Variants in TENM3 observed in about 807,000 individuals in gnomAD.
The protein encoded by TENM3 is teneurin transmembrane protein 3.
Under a neutral mutation model 255.1 loss-of-function variants are expected in TENM3, and 63 were observed. The ratio of observed to expected loss-of-function variants is 0.25; its 90% CI spans 0.20 to 0.30. The LOEUF is 0.30. Among genes scored for constraint, TENM3 ranks in the 10% least tolerant of loss-of-function variants. TENM3 has a pLI of 1.00. For synonymous variants in TENM3, 1,306 were observed against 1,322.3 expected (o/e 0.99, Z 0.27); for missense variants, 2,929 against 3,461.1 (o/e 0.85, Z 3.86).
At chr4:182,740,219 G>A (rs1200080231) in intron 18 of TENM3, among the ~76,000 whole-genome samples, 1 of 152,196 alleles carries the variant, frequency 6.6e-6, no homozygotes, top group Non-Finnish European at 1.5e-5. Context: ...ATGCAGTTCA[G>A]TTTGCACCCC....
intron 1 of TENM3, among the ~76,000 whole-genome samples, chr4:182,158,979 C>A (rs560109659): frequency 1.3e-5 from 2 of 152,208 alleles, no homozygotes; most frequent in South Asian, 4.1e-4. Context: ...TTGTGGTGAC[C>A]AAGTTGGGCT....
At chr4:182,639,441 C>T (rs552722927) in intron 5 of TENM3, among the ~76,000 whole-genome samples, 1 of 152,268 alleles carries the variant, frequency 6.6e-6, no homozygotes, top group African/African-American at 2.4e-5. Context: ...TCTTCTTCTT[C>T]TTTGTAACAA....
In TENM3 at chr4:182,738,209, T is replaced by C. The variant is rs2309767; in HGVS notation, c.3236-192T>C. Among the ~76,000 whole-genome samples the C allele has an allele frequency of 0.65, 99,374 of 151,982 alleles. 32,970 individuals are homozygous for C. Among genetic ancestry groups the C allele is most frequent in the East Asian group, 0.84 (4,328 of 5,166 alleles). ...TTTCTATTAAATCAGTGGAAAATAA[T>C]ATTTGGAGATCTTTTTTTAAAAAAA... On this transcript the variant is annotated intron_variant, in intron 17 of 27. Transcript: ENST00000511685.
chr4:181,605,560 A>AAG, the TENM3 span, among the ~76,000 whole-genome samples: 46 of 26,800 alleles, frequency 1.7e-3, 3 homozygotes, highest in African/African-American at 4.2e-3. Flanking sequence ...GAAAGAAAGA[A>AAG]AGAAAGAAAG....
Position 182,680,620 on chromosome 4 carries a change from A to G in TENM3, c.1717A>G (p.Thr573Ala). Residue 573 changes from threonine (T) to alanine (A), a missense_variant, in exon 10 of 28, where the codon ACC becomes GCC. Around this residue, in one of 6 missense-constraint regions of TENM3, gnomAD observed 1,608 missense variants for 1,884.4 expected, o/e 0.85. Coordinates refer to ENST00000511685, the MANE Select transcript of TENM3 (RefSeq NM_001080477.4). ...CCTGTGTTTCAGCGGCTGGAAGGGC[A>G]CCGAGTGTGATGTGCCGACTACCCA... ...RCLCFSGWKG[T>A]ECDVPTTQCI... The G allele has an allele frequency of 6.2e-7, 1 of 1,613,696 alleles. No homozygotes were observed. The highest frequency in any genetic ancestry group is 8.5e-7 in the Non-Finnish European group (1 of 1,179,794).
At chr4:182,625,235 C>T (rs1472647920) in intron 4 of TENM3, among the ~76,000 whole-genome samples, 1 of 152,136 alleles carries the variant, frequency 6.6e-6, no homozygotes, top group Non-Finnish European at 1.5e-5. Context: ...GGGTCCCCGA[C>T]CACTGGGCTG....
chr4:182,354,666 A>G (rs1451404002), intron 3 of TENM3, among the ~76,000 whole-genome samples: 5 of 152,222 alleles, frequency 3.3e-5, no homozygotes, highest in Non-Finnish European at 1.5e-5. Flanking sequence ...TAACTTCAGT[A>G]TATTGAAATT....
At chr4:181,776,018 T>G in the TENM3 span, among the ~76,000 whole-genome samples, 6 of 152,076 alleles carry the variant, frequency 3.9e-5, no homozygotes, top group South Asian at 1.2e-3. Context: ...TACATCTTAG[T>G]CCCTCTTTCT....
intron 3 of TENM3, among the ~76,000 whole-genome samples, chr4:182,554,900 G>A (rs1244282025): frequency 6.8e-6 from 1 of 146,996 alleles, no homozygotes; most frequent in African/African-American, 2.5e-5. Context: ...CCTTTCACAT[G>A]ATGTACGTTT....
Position 182,800,047 on chromosome 4 carries a change from A to C in TENM3, c.7796A>C (p.Gln2599Pro). 6.2e-7 allele frequency: 1 copy of C among 1,601,748 alleles called. No individual in the cohort carries two copies. Among genetic ancestry groups the C allele is most frequent in the Non-Finnish European group, 8.5e-7 (1 of 1,175,174 alleles). ...CGCAGGTTCGCGGACGTGGAGATGC[A>C]GTTCGGCGCGCTGGCGCTGCACGTG... ...RTRRFADVEMQFGALALHVRY... is the reference protein window; with the variant it reads ...RTRRFADVEMPFGALALHVRY... The change falls in exon 28 of 28, where the codon CAG becomes CCG. Residue 2599 changes from glutamine to proline, a missense_variant. Coordinates refer to ENST00000511685, the MANE Select transcript of TENM3 (RefSeq NM_001080477.4).
chr4:182,235,659 G>C (rs1356952090), intron 1 of TENM3, among the ~76,000 whole-genome samples: 1 of 149,972 alleles, frequency 6.7e-6, no homozygotes, highest in Non-Finnish European at 1.5e-5. Context: ...TACTACACAC[G>C]ACCACACGGG....
the TENM3 span, among the ~76,000 whole-genome samples, chr4:182,100,808 CACATATATATACACATAT>C: frequency 1.0e-3 from 4 of 3,872 alleles, 2 homozygotes; most frequent in Non-Finnish European, 2.9e-3. Flanking sequence ...CATATATATA[CACATATATATACACATAT>C]ATATATATAT....
intron 3 of TENM3, among the ~76,000 whole-genome samples, chr4:182,539,894 A>G (rs952828984): frequency 6.6e-6 from 1 of 152,236 alleles, no homozygotes; most frequent in African/African-American, 2.4e-5. Flanking sequence ...GAGATGTCAG[A>G]TAGACTGCTG....
chr4:182,487,466 G>T (rs970958423), intron 3 of TENM3, among the ~76,000 whole-genome samples: 2 of 152,186 alleles, frequency 1.3e-5, no homozygotes, highest in African/African-American at 2.4e-5. Flanking sequence ...ATGTGCATTT[G>T]GTTAGGGCGG....
chr4:182,129,419 A>C, the TENM3 span, among the ~76,000 whole-genome samples: 1 of 152,226 alleles, frequency 6.6e-6, no homozygotes, highest in East Asian at 1.9e-4. Flanking sequence ...TGCTTCCTGA[A>C]TGAAGAAGAA....
chr4:181,720,204 A>G, the TENM3 span, among the ~76,000 whole-genome samples: 9 of 152,248 alleles, frequency 5.9e-5, no homozygotes, highest in Non-Finnish European at 8.8e-5. Context: ...GAGAAAAAAT[A>G]CTAATAACAA....
intron 3 of TENM3, among the ~76,000 whole-genome samples, chr4:182,546,999 C>CTTCA (rs1741516281): frequency 6.6e-6 from 1 of 152,112 alleles, no homozygotes; most frequent in East Asian, 1.9e-4. Flanking sequence ...TTTTCTAAAT[C>CTTCA]TTCAATATGC....
intron 3 of TENM3, among the ~76,000 whole-genome samples, chr4:182,386,660 C>T (rs554373272): frequency 3.9e-4 from 59 of 152,316 alleles, no homozygotes; most frequent in African/African-American, 1.3e-3. Flanking sequence ...TCGGAGCTGC[C>T]GGCCGGCCGG....
At chr4:181,516,170 A>T in the TENM3 span, among the ~76,000 whole-genome samples, 1 of 152,050 alleles carries the variant, frequency 6.6e-6, no homozygotes, top group South Asian at 2.1e-4. Context: ...ACACATGGAC[A>T]CAGGGAGGGG....
Sources: allele counts gnomAD v4.1 joint callset (sites outside exome capture counted in the v4.1 genomes callset), GRCh38; gene constraint gnomAD v4.1.1; regional missense constraint gnomAD v4.1.1; transcripts MANE v1.5; gene names NCBI Gene and HGNC (gene_info 2026-07-23, HGNC 2026-07-21).